The following GABRA2 variants were observed in gnomAD, a reference collection of about 807,000 sequenced individuals.
The protein encoded by GABRA2 is gamma-aminobutyric acid type A receptor subunit alpha2.
A neutral mutation model predicts 48.7 loss-of-function variants in GABRA2; 16 were observed. That is an observed-to-expected ratio of 0.33 (90% CI 0.22 to 0.50). GABRA2 has a LOEUF of 0.50. Among genes scored for constraint, GABRA2 ranks in the 20% least tolerant of loss-of-function variants. The pLI, the probability that GABRA2 is intolerant of heterozygous loss-of-function variation, is 0.98. For missense variants in GABRA2, 275 were observed against 535.6 expected (o/e 0.51, Z 4.80); for synonymous variants, 185 against 184.5 (o/e 1.00, Z -0.02).
Position 46,250,155 on chromosome 4 carries a change from A to G in GABRA2, c.*153T>C, listed in dbSNP as rs199797834. 2 of 608,546 alleles carry G rather than the reference A, an allele frequency of 3.3e-6. No homozygotes were observed. The highest frequency in any genetic ancestry group is 2.7e-5 in the East Asian group (1 of 36,524). The allele number at this position is 608,546 out of a possible 1,614,324, so 37.7% of individuals were successfully genotyped here. On this transcript the variant is annotated 3_prime_UTR_variant, in exon 10 of 10. Transcript: ENST00000381620. ...TGCAGTTCCATGAGTTAGCAAATGC[A>G]TGTCTCCATTAAAGGTCTACTGGTA...
At chr4:46,279,080 G>A (rs1448874010) in intron 8 of GABRA2, among the ~76,000 whole-genome samples, 1 of 152,010 alleles carries the variant, frequency 6.6e-6, no homozygotes, top group African/African-American at 2.4e-5. Flanking sequence ...GTTAGTGTCA[G>A]AGTGACAGCA....
At chr4:46,349,831 T>A (rs1047592883) in intron 3 of GABRA2, among the ~76,000 whole-genome samples, 1 of 151,904 alleles carries the variant, frequency 6.6e-6, no homozygotes, top group South Asian at 2.1e-4. Context: ...TGATTAACTT[T>A]ACCACATATT....
At chr4:46,312,762 A>T in intron 4 of GABRA2, 46 bp from the exon 5 acceptor site, 1 of 951,378 alleles carries the variant, frequency 1.1e-6, no homozygotes, top group Non-Finnish European at 1.6e-6. Context: ...AATGTTGTAG[A>T]CACAAGACAC....
At chr4:46,383,869 G>C (rs914557695) in intron 3 of GABRA2, among the ~76,000 whole-genome samples, 1 of 152,264 alleles carries the variant, frequency 6.6e-6, no homozygotes, top group Admixed American at 6.5e-5. Flanking sequence ...AAAATAAATA[G>C]ATGTGTTTGA....
intron 8 of GABRA2, among the ~76,000 whole-genome samples, chr4:46,286,925 T>G (rs1042846695): frequency 2.0e-5 from 3 of 152,236 alleles, no homozygotes; most frequent in Admixed American, 6.5e-5. Flanking sequence ...TAATGTTCTT[T>G]GATACACAAA....
chr4:46,260,031 G>GT (rs200182218), intron 9 of GABRA2, among the ~76,000 whole-genome samples: 48 of 148,264 alleles, frequency 3.2e-4, no homozygotes, highest in Admixed American at 7.4e-4. Context: ...TTCATTATAA[G>GT]TTTTTTTTTT....
At chr4:46,254,551 G>A (rs536351015) in intron 9 of GABRA2, among the ~76,000 whole-genome samples, 1 of 151,168 alleles carries the variant, frequency 6.6e-6, no homozygotes, top group African/African-American at 2.4e-5. Context: ...TGAGAATAAG[G>A]CCAGGTATAG....
Position 46,262,001 on chromosome 4 carries a change from T to G in GABRA2, c.984A>C (p.Leu328=), listed in dbSNP as rs1394054302. 2 of 1,613,852 alleles carry G rather than the reference T, an allele frequency of 1.2e-6. No homozygotes were observed. The highest frequency in any genetic ancestry group is 2.2e-5 in the East Asian group (1 of 44,826). Residue 328 remains leucine, a synonymous_variant, in exon 9 of 10, where the codon CTA becomes CTC. Transcript: ENST00000381620. ...AGTAATTAACAGTTGCAAATTCAAT[T>G]AGGGCAGAGAACACAAATGCATAAC... ...AVCYAFVFSA[L]IEFATVNYFT... is the part of the protein sequence containing the mutation.
chr4:46,352,531 CGAA>C (rs911498493), intron 3 of GABRA2, among the ~76,000 whole-genome samples: 8 of 151,930 alleles, frequency 5.3e-5, no homozygotes, highest in African/African-American at 1.9e-4. Context: ...AATACAAAAA[CGAA>C]ATGCATCATT....
At chr4:46,298,394 G>A (rs773280283) in intron 8 of GABRA2, among the ~76,000 whole-genome samples, 4 of 151,152 alleles carry the variant, frequency 2.6e-5, no homozygotes, top group African/African-American at 4.9e-5. Context: ...AATCTTTACA[G>A]TTCTGTATAT....
intron 3 of GABRA2, among the ~76,000 whole-genome samples, chr4:46,374,962 A>T (rs1003483353): frequency 1.6e-4 from 24 of 152,234 alleles, no homozygotes; most frequent in Admixed American, 7.8e-4. Context: ...AATACTATTT[A>T]AAAAAAGTTA....
chr4:46,342,180 C>T (rs1733355911), intron 3 of GABRA2, among the ~76,000 whole-genome samples: 1 of 152,036 alleles, frequency 6.6e-6, no homozygotes, highest in Non-Finnish European at 1.5e-5. Context: ...ACACAAAGCT[C>T]AATGCGTTTA....
intron 1 of GABRA2, 112 bp from the exon 2 acceptor site, chr4:46,388,828 T>C (rs1392675407): frequency 3.9e-6 from 6 of 1,531,768 alleles, no homozygotes; most frequent in Middle Eastern, 2.0e-4. Context: ...GTTAAAGCTA[T>C]GGAGATTACT....
chr4:46,348,449 C>A (rs529785977), intron 3 of GABRA2, among the ~76,000 whole-genome samples: 84 of 151,556 alleles, frequency 5.5e-4, no homozygotes, highest in African/African-American at 1.9e-3. Flanking sequence ...GACTATAAAT[C>A]ATGCTGCTAT....
At chr4:46,328,063 C>A (rs1730686819) in intron 4 of GABRA2, among the ~76,000 whole-genome samples, 1 of 151,890 alleles carries the variant, frequency 6.6e-6, no homozygotes, top group Non-Finnish European at 1.5e-5. Flanking sequence ...AACAGTAGAG[C>A]AAGTTAGAAA....
chr4:46,308,282 A>C (rs918376415), intron 6 of GABRA2, among the ~76,000 whole-genome samples: 1 of 152,226 alleles, frequency 6.6e-6, no homozygotes. Flanking sequence ...GAATAAAACA[A>C]AACAAGACTG....
chr4:46,333,816 C>T (rs1024035441), intron 3 of GABRA2, among the ~76,000 whole-genome samples: 2 of 151,964 alleles, frequency 1.3e-5, no homozygotes, highest in African/African-American at 4.8e-5. Context: ...TGCCAAAGAC[C>T]CACAGCTAGT....
chr4:46,328,149 C>T (rs1730698036), intron 4 of GABRA2, among the ~76,000 whole-genome samples: 1 of 151,958 alleles, frequency 6.6e-6, no homozygotes, highest in South Asian at 2.1e-4. Context: ...TAATTACCTC[C>T]TTATGTTGAA....
intron 4 of GABRA2, among the ~76,000 whole-genome samples, chr4:46,329,879 C>A (rs1353638303): frequency 1.3e-5 from 2 of 151,936 alleles, no homozygotes; most frequent in Non-Finnish European, 2.9e-5. Context: ...GGAAATCTGA[C>A]AAGAGCAGAG....
Sources: gnomAD v4.1 joint callset for allele counts (sites outside exome capture counted in the v4.1 genomes callset) on GRCh38, gnomAD v4.1.1 for gene constraint, MANE v1.5 for transcripts, NCBI Gene and HGNC (gene_info 2026-07-23, HGNC 2026-07-21) for gene names.